The following KIAA1549 variants were observed in gnomAD, a reference collection of about 807,000 sequenced individuals.
KIAA1549 encodes UPF0606 protein KIAA1549.
KIAA1549 carries 70 observed loss-of-function variants against 156.4 expected under a neutral mutation model. The observed-to-expected ratio is 0.45, with a 90% confidence interval of 0.37 to 0.55. The LOEUF is 0.55. Ranked by LOEUF, KIAA1549 falls within the 20% of genes least tolerant of loss-of-function variation. The probability of loss-of-function intolerance (pLI) is 0.00; values close to 1 mark genes in which losing one functional copy is unlikely to be tolerated. For synonymous variants in KIAA1549, 1,103 were observed against 1,066.4 expected, an observed-to-expected ratio of 1.03 and a Z score of -0.67; for missense variants, 2,428 against 2,540.9, an observed-to-expected ratio of 0.96 and a Z score of 0.96.
intron 1 of KIAA1549, among the ~76,000 whole-genome samples, chr7:138,926,811 A>G (rs1291454578): frequency 6.6e-6 from 1 of 152,034 alleles, no homozygotes; most frequent in Non-Finnish European, 1.5e-5. Flanking sequence ...AATACTATTT[A>G]TAAATATATA....
Position 138,844,319 on chromosome 7 carries a change from G to A in KIAA1549, c.5450C>T (p.Thr1817Ile), listed in dbSNP as rs1323239340. The A allele has an allele frequency of 3.1e-6, 5 of 1,613,816 alleles. No individual in the cohort carries two copies. The highest frequency in any genetic ancestry group is 3.4e-6 in the Non-Finnish European group (4 of 1,179,890). ...VARPRPVGGT[T>I]GSQIQHLTQV... ...GGAAGCTAAACAGCCACATATACCT[G>A]TGGTACCCCCGACAGGCCGAGGCCG... is the stretch of plus-strand genomic sequence containing the variant. The change falls in exon 18 of 20, where the codon ACA becomes ATA. Residue 1817 changes from threonine (T) to isoleucine (I), a missense_variant and splice_region_variant. Thr to Ile is a moderately conservative substitution (Grantham distance 89). Coordinates refer to ENST00000422774, the MANE Select transcript of KIAA1549 (RefSeq NM_001164665.2).
At chr7:138,966,410 A>G (rs1277973964) in intron 1 of KIAA1549, among the ~76,000 whole-genome samples, 2 of 152,120 alleles carry the variant, frequency 1.3e-5, no homozygotes. Flanking sequence ...ATATACACAC[A>G]GAGGAGTTTA....
At chr7:138,843,967 C>G (rs768867941) in intron 18 of KIAA1549, among the ~76,000 whole-genome samples, 1 of 152,200 alleles carries the variant, frequency 6.6e-6, no homozygotes, top group Non-Finnish European at 1.5e-5. Context: ...TCGTTCGTTA[C>G]AAGCTGAAAA....
chr7:138,965,469 G>A (rs1159978915), intron 1 of KIAA1549, among the ~76,000 whole-genome samples: 1 of 152,136 alleles, frequency 6.6e-6, no homozygotes, highest in East Asian at 1.9e-4. Flanking sequence ...GAGATTACAG[G>A]CGTGAGCCAC....
rs1809639078 is a variant in KIAA1549, at chr7:138,834,306, C to G, written c.*3600G>C. On this transcript the variant is annotated 3_prime_UTR_variant, in exon 20 of 20. Transcript: ENST00000422774. ...GGGACTACAGGCATGCGCCACCACA[C>G]CCAGCTAGTTTTTGTATTTTTTTGT... The G allele has an allele frequency of 5.3e-6, 1 of 188,744 alleles. No homozygotes were observed. Among genetic ancestry groups the G allele is most frequent in the East Asian group, 8.4e-5 (1 of 11,852 alleles). The allele number at this position is 188,744 out of a possible 1,614,324, so 11.7% of individuals were successfully genotyped here. A position where few individuals can be genotyped will look rare whatever the true frequency, so the allele number is the denominator to read the frequency against.
At chr7:138,961,266 G>A (rs1584786577) in intron 1 of KIAA1549, among the ~76,000 whole-genome samples, 1 of 152,338 alleles carries the variant, frequency 6.6e-6, no homozygotes, top group East Asian at 1.9e-4. Flanking sequence ...ACATAGGAGG[G>A]CTCCATGCCA....
chr7:138,831,416 A>T lies in KIAA1549; in HGVS notation c.*6490T>A, dbSNP rs556052853. ...ATTCATAGCATTTATTGACATTTCCATTTAAAATGCTAGGAAAGCTGTATA... is the reference window on the plus strand; with the variant it reads ...ATTCATAGCATTTATTGACATTTCCTTTTAAAATGCTAGGAAAGCTGTATA... On this transcript the variant is annotated 3_prime_UTR_variant, in exon 20 of 20. Coordinates refer to ENST00000422774, the MANE Select transcript of KIAA1549 (RefSeq NM_001164665.2). 1.3e-4 allele frequency: 26 copies of T among 198,620 alleles called. No individual in the cohort carries two copies. Among genetic ancestry groups the T allele is most frequent in the African/African-American group, 6.0e-4 (26 of 43,556 alleles). The allele number at this position is 198,620 out of a possible 1,614,324, so 12.3% of individuals were successfully genotyped here. A position where few individuals can be genotyped will look rare whatever the true frequency, so the allele number is the denominator to read the frequency against.
chr7:138,887,812 C>G (rs770808489), intron 10 of KIAA1549, among the ~76,000 whole-genome samples: 2 of 152,178 alleles, frequency 1.3e-5, no homozygotes, highest in African/African-American at 2.4e-5. Flanking sequence ...TAGGACAATT[C>G]GTTCCACGTT....
intron 12 of KIAA1549, among the ~76,000 whole-genome samples, chr7:138,872,243 G>A (rs992117282): frequency 1.3e-5 from 2 of 151,928 alleles, no homozygotes; most frequent in South Asian, 2.1e-4. Context: ...CACCGGGCCC[G>A]GCGCTAGTTC....
chr7:138,929,394 C>T (rs925585285), intron 1 of KIAA1549, among the ~76,000 whole-genome samples: 25 of 152,208 alleles, frequency 1.6e-4, no homozygotes, highest in African/African-American at 5.1e-4. Flanking sequence ...TGCTGCAATT[C>T]GTCATGTCTT....
chr7:138,981,298 C>A lies in KIAA1549; in HGVS notation c.-29G>T. 1.1e-6 allele frequency: 1 copy of A among 928,260 alleles called. No individual in the cohort carries two copies. Among genetic ancestry groups the A allele is most frequent in the Non-Finnish European group, 1.3e-6 (1 of 780,624 alleles). 57.5% of individuals were successfully genotyped at this position (928,260 alleles called of 1,614,324 possible). ...CGGCCGGCGCCCCGGCCCGGCCTCG[C>A]GGCTCAGCGGCTCTCGGGTCCGGGA... On this transcript the variant is annotated 5_prime_UTR_variant, in exon 1 of 20. Coordinates refer to ENST00000422774, the MANE Select transcript of KIAA1549 (RefSeq NM_001164665.2). The surrounding 1 kb of genome is among the most constrained non-coding windows in gnomAD (Gnocchi z 4.5).
chr7:138,918,345 A>G lies in KIAA1549; in HGVS notation c.1281T>C (p.Pro427=), dbSNP rs748012824. The change falls in exon 2 of 20, where the codon CCT becomes CCC. Residue 427 remains proline, a synonymous_variant. Transcript: ENST00000422774. This position sits in a 1 kb window ranked among gnomAD's most constrained non-coding sequence, Gnocchi z 4.2. ...TCGTGGCCAGAACTTGCTGAGGTGA[A>G]GGCACAGTGCAGGCCGCACACCAAG... ...PYTWCAACTV[P]SPQQVLATSL... is the part of the protein sequence containing the mutation. 4.3e-6 allele frequency: 7 copies of G among 1,613,972 alleles called. No individual in the cohort carries two copies. The South Asian group carries it at 7.7e-5, about 18-fold the overall frequency.
intron 1 of KIAA1549, among the ~76,000 whole-genome samples, chr7:138,942,868 C>CCA (rs988766297): frequency 2.6e-5 from 4 of 151,790 alleles, no homozygotes; most frequent in African/African-American, 9.7e-5. Flanking sequence ...CGAGATCGTG[C>CCA]CACTGCACTC....
chr7:138,933,859 G>A (rs1477567612), intron 1 of KIAA1549, among the ~76,000 whole-genome samples: 4 of 152,192 alleles, frequency 2.6e-5, no homozygotes, highest in South Asian at 2.1e-4. Flanking sequence ...CCAGCTACTC[G>A]GGAGGCTGAG....
chr7:138,860,638 T>A (rs1479052749), intron 16 of KIAA1549, among the ~76,000 whole-genome samples: 4 of 152,176 alleles, frequency 2.6e-5, no homozygotes, highest in Non-Finnish European at 5.9e-5. Flanking sequence ...ACCTCCAAGA[T>A]GGAAAGCTGA....
intron 17 of KIAA1549, among the ~76,000 whole-genome samples, chr7:138,845,487 G>C (rs139367410): frequency 2.1e-3 from 314 of 152,230 alleles, no homozygotes; most frequent in African/African-American, 7.1e-3. Context: ...GTTCCTCAGG[G>C]GTCAGTTGCA....
At chr7:138,905,478 C>T (rs953628084) in intron 6 of KIAA1549, among the ~76,000 whole-genome samples, 1 of 152,228 alleles carries the variant, frequency 6.6e-6, no homozygotes, top group Non-Finnish European at 1.5e-5. Context: ...CCCCGCCGTC[C>T]GGCATCCTCA....
intron 1 of KIAA1549, among the ~76,000 whole-genome samples, chr7:138,939,359 C>T (rs1212918586): frequency 6.6e-6 from 1 of 152,148 alleles, no homozygotes; most frequent in Non-Finnish European, 1.5e-5. Context: ...AAGGTACATA[C>T]AATGCTTTTG....
rs527630897 is a variant in KIAA1549, at chr7:138,963,026, G to A, written c.187+18057C>T. On this transcript the variant is annotated intron_variant, in intron 1 of 19. Transcript: ENST00000422774. ...AGAACAACTTCCCCTTGTAGACGGAGTTGCTAGAGGGCTGTGACTGACTGC... is the reference window on the plus strand; with the variant it reads ...AGAACAACTTCCCCTTGTAGACGGAATTGCTAGAGGGCTGTGACTGACTGC... Among the ~76,000 whole-genome samples, 3 of 152,342 alleles carry A rather than the reference G, an allele frequency of 2.0e-5. No individual in the cohort carries two copies. The South Asian group carries it at 6.2e-4, about 32-fold the overall frequency.
Sources: gnomAD v4.1 joint callset for allele counts (sites outside exome capture counted in the v4.1 genomes callset) on GRCh38, gnomAD v4.1.1 for gene constraint, Gnocchi (gnomAD v3.1) non-coding constraint, MANE v1.5 for transcripts, NCBI Gene and HGNC (gene_info 2026-07-23, HGNC 2026-07-21) for gene names.